Variants in BAZ2B observed in about 807,000 individuals in gnomAD.
BAZ2B encodes bromodomain adjacent to zinc finger domain 2B.
BAZ2B carries 91 observed loss-of-function variants against 246.0 expected under a neutral mutation model. The observed-to-expected ratio is 0.37, with a 90% confidence interval of 0.31 to 0.44. The LOEUF is 0.44. Among genes scored for constraint, BAZ2B ranks in the 20% least tolerant of loss-of-function variants. The pLI, the probability that BAZ2B is intolerant of heterozygous loss-of-function variation, is 1.00. For missense variants in BAZ2B, 2,332 were observed against 2,533.7 expected (o/e 0.92, Z 1.71); for synonymous variants, 855 against 860.0 (o/e 0.99, Z 0.10).
At chr2:159,686,998 C>T in the BAZ2B span, among the ~76,000 whole-genome samples, 12 of 145,964 alleles carry the variant, frequency 8.2e-5, no homozygotes, top group South Asian at 4.4e-4. Context: ...GCCGAGATTG[C>T]GCCACTACGC....
chr2:159,365,147 C>G (rs377429298), intron 27 of BAZ2B, among the ~76,000 whole-genome samples: 34 of 152,174 alleles, frequency 2.2e-4, no homozygotes, highest in African/African-American at 7.2e-4. Context: ...AATGAAAGTG[C>G]TTTCACAGCT....
intron 33 of BAZ2B, 181 bp from the exon 34 acceptor site, chr2:159,332,867 G>C: frequency 3.0e-6 from 2 of 674,974 alleles, no homozygotes. Flanking sequence ...CACATGACGG[G>C]TGAGCAGTTC....
intron 16 of BAZ2B, 138 bp downstream of exon 16, chr2:159,404,711 A>G (rs2065625207): frequency 2.8e-6 from 2 of 722,442 alleles, no homozygotes; most frequent in Non-Finnish European, 4.3e-6. Context: ...AATTAATAGA[A>G]GATAGCAACT....
At chr2:159,337,844 A>G in intron 31 of BAZ2B, 72 bp from the exon 32 acceptor site, 11 of 1,410,524 alleles carry the variant, frequency 7.8e-6, no homozygotes, top group Non-Finnish European at 1.1e-5. Context: ...CCTTTACTTA[A>G]AATACAGCAT....
intron 3 of BAZ2B, among the ~76,000 whole-genome samples, chr2:159,467,035 T>C (rs1412294256): frequency 3.3e-5 from 5 of 152,132 alleles, no homozygotes; most frequent in Admixed American, 3.3e-4. Context: ...AGACAAAGCA[T>C]GAGGAAGAAT....
chr2:159,537,776 TCTC>T (rs1373730254), intron 2 of BAZ2B, among the ~76,000 whole-genome samples: 1 of 152,254 alleles, frequency 6.6e-6, no homozygotes, highest in Non-Finnish European at 1.5e-5. Context: ...TATTCATTCT[TCTC>T]CTGTTTCTTT....
In BAZ2B at chr2:159,438,998, A is replaced by G. The variant is rs1559424120; in HGVS notation, c.900+11T>C. 2 of 1,611,446 alleles carry G rather than the reference A, an allele frequency of 1.2e-6. No individual in the cohort carries two copies. The highest frequency in any genetic ancestry group is 2.2e-5 in the East Asian group (1 of 44,826). On this transcript the variant is annotated intron_variant, in intron 7 of 36. Transcript: ENST00000392783. ...ATAATGTTTGGATACTGTCCATGAAAAAAATTATACCTGGTTGTTACTTTT... is the reference window on the plus strand; with the variant it reads ...ATAATGTTTGGATACTGTCCATGAAGAAAATTATACCTGGTTGTTACTTTT...
chr2:159,373,530 C>A (rs1034117187), intron 26 of BAZ2B, among the ~76,000 whole-genome samples: 2 of 152,146 alleles, frequency 1.3e-5, no homozygotes, highest in African/African-American at 4.8e-5. Context: ...CAGTATATAA[C>A]AAATAATACA....
intron 1 of BAZ2B, among the ~76,000 whole-genome samples, chr2:159,563,353 T>C (rs1165289710): frequency 6.6e-6 from 1 of 152,178 alleles, no homozygotes; most frequent in East Asian, 1.9e-4. Context: ...TTTCTTCAGT[T>C]TGCAATACCA....
intron 23 of BAZ2B, 21 bp from the exon 24 acceptor site, chr2:159,383,701 TAAA>T: frequency 6.3e-7 from 1 of 1,587,150 alleles, no homozygotes; most frequent in Non-Finnish European, 8.6e-7. Flanking sequence ...AAGAATTTAT[TAAA>T]AAGTGTAAAT....
chr2:159,551,088 T>A (rs1242467552), intron 2 of BAZ2B, among the ~76,000 whole-genome samples: 1 of 152,136 alleles, frequency 6.6e-6, no homozygotes. Flanking sequence ...TCCCCCCTGT[T>A]GGGCTCCCAA....
Position 159,404,631 on chromosome 2 carries a change from A to G in BAZ2B, c.2832+218T>C, listed in dbSNP as rs1446061929. ...ACCAGGATATTAAAGTACTTACACA[A>G]ATTTACTGTTTGGTAATCATTTCTT... On this transcript the variant is annotated intron_variant, in intron 16 of 36. Coordinates refer to ENST00000392783, the MANE Select transcript of BAZ2B (RefSeq NM_013450.4). The G allele has an allele frequency of 1.1e-5, 5 of 468,924 alleles. No homozygotes were observed. The Admixed American group carries it at 1.9e-4, about 18-fold the overall frequency. The allele number at this position is 468,924 out of a possible 1,614,324, so 29.0% of individuals were successfully genotyped here.
At chr2:159,506,519 G>C (rs951142419) in intron 2 of BAZ2B, among the ~76,000 whole-genome samples, 27 of 152,172 alleles carry the variant, frequency 1.8e-4, no homozygotes, top group African/African-American at 6.3e-4. Flanking sequence ...ACTTCTATTA[G>C]CTGCTTAGAT....
chr2:159,622,466 C>T, the BAZ2B span, among the ~76,000 whole-genome samples: 4 of 151,912 alleles, frequency 2.6e-5, no homozygotes, highest in Non-Finnish European at 4.4e-5. Context: ...GAAAACTTTC[C>T]CAGCAATGGT....
downstream of BAZ2B, among the ~76,000 whole-genome samples, chr2:159,317,297 AG>A (rs1257028598): frequency 7.9e-5 from 12 of 152,220 alleles, no homozygotes; most frequent in African/African-American, 2.9e-4. Flanking sequence ...AGGAGCATGG[AG>A]GGGTACATTA....
chr2:159,377,903 A>G (rs898142491), intron 25 of BAZ2B, among the ~76,000 whole-genome samples: 2 of 152,170 alleles, frequency 1.3e-5, no homozygotes, highest in African/African-American at 4.8e-5. Flanking sequence ...GTCTATGTGT[A>G]AAGAATAAAA....
intron 27 of BAZ2B, among the ~76,000 whole-genome samples, chr2:159,365,820 T>C (rs564381417): frequency 1.3e-5 from 2 of 152,346 alleles, no homozygotes. Context: ...TGATGGACTG[T>C]GCTTGGGCAT....
At chr2:159,603,155 A>C (rs1692574704) in intron 1 of BAZ2B, among the ~76,000 whole-genome samples, 1 of 152,218 alleles carries the variant, frequency 6.6e-6, no homozygotes, top group Non-Finnish European at 1.5e-5. Flanking sequence ...AAAAACAAAA[A>C]CAAAAAACTT....
rs1350783926 is a variant in BAZ2B, at chr2:159,432,842, T to C, written c.1815A>G (p.Glu605=). ...DSDIPSSKDS[E]DSNEDEEEDD... ...CTTCCTCTTCATCCTCATTTGAATC[T>C]TCAGAATCTTTACTACTGGGAATGT... The change falls in exon 9 of 37, where the codon GAA becomes GAG. Residue 605 remains glutamate (E), a synonymous_variant. Coordinates refer to ENST00000392783, the MANE Select transcript of BAZ2B (RefSeq NM_013450.4). The C allele has an allele frequency of 3.7e-6, 6 of 1,614,084 alleles. No individual in the cohort carries two copies. Among genetic ancestry groups the C allele is most frequent in the African/African-American group, 1.3e-5 (1 of 74,942 alleles).
Sources: gnomAD v4.1 joint callset for allele counts (sites outside exome capture counted in the v4.1 genomes callset) on GRCh38, gnomAD v4.1.1 for gene constraint, MANE v1.5 for transcripts, NCBI Gene and HGNC (gene_info 2026-07-23, HGNC 2026-07-21) for gene names.